LRRTM4: variants seen among roughly 807,000 people sequenced by gnomAD.
The protein encoded by LRRTM4 is leucine rich repeat transmembrane neuronal 4.
LRRTM4 carries 25 observed loss-of-function variants against 47.6 expected under a neutral mutation model. That is an observed-to-expected ratio of 0.53 (90% CI 0.38 to 0.73). The LOEUF is 0.73. LRRTM4 is among the 30% of genes least tolerant of loss of function. The probability of loss-of-function intolerance (pLI) is 0.00; values close to 1 mark genes in which losing one functional copy is unlikely to be tolerated. For synonymous variants in LRRTM4, 311 were observed against 269.5 expected, an observed-to-expected ratio of 1.15 and a Z score of -1.51; for missense variants, 638 against 713.4, an observed-to-expected ratio of 0.89 and a Z score of 1.20.
chr2:76,842,192 G>T (rs1671703815), intron 3 of LRRTM4, among the ~76,000 whole-genome samples: 1 of 152,132 alleles, frequency 6.6e-6, no homozygotes, highest in African/African-American at 2.4e-5. Flanking sequence ...GATTGCTTGG[G>T]CTGGTGGTTT....
intron 3 of LRRTM4, among the ~76,000 whole-genome samples, chr2:77,161,010 ATCC>A (rs1249494196): frequency 2.0e-5 from 3 of 152,276 alleles, no homozygotes; most frequent in Non-Finnish European, 4.4e-5. Context: ...AAGAAAAATG[ATCC>A]TTAGATCATG....
At chr2:77,222,580 T>C (rs1298887007) in intron 3 of LRRTM4, among the ~76,000 whole-genome samples, 2 of 152,138 alleles carry the variant, frequency 1.3e-5, no homozygotes, top group Non-Finnish European at 2.9e-5. Context: ...TCTAAACACC[T>C]CTACAGGAAT....
At chr2:76,905,038 T>G (rs1442003485) in intron 3 of LRRTM4, among the ~76,000 whole-genome samples, 1 of 152,130 alleles carries the variant, frequency 6.6e-6, no homozygotes, top group Non-Finnish European at 1.5e-5. Context: ...ACAGGCAGAC[T>G]GCCTCCTCAA....
At chr2:77,516,986 T>C (rs1679229661) in intron 3 of LRRTM4, 1 of 984,888 alleles carries the variant, frequency 1.0e-6, no homozygotes, top group South Asian at 4.7e-5. Flanking sequence ...TAATTACTCA[T>C]TAAAACTGTC....
chr2:77,110,833 C>T (rs1007744214), intron 3 of LRRTM4, among the ~76,000 whole-genome samples: 2 of 152,006 alleles, frequency 1.3e-5, no homozygotes, highest in Non-Finnish European at 2.9e-5. Context: ...AAAGATATAG[C>T]CTTAAGATAT....
At chr2:77,183,247 A>C (rs1361273516) in intron 3 of LRRTM4, among the ~76,000 whole-genome samples, 2 of 152,160 alleles carry the variant, frequency 1.3e-5, no homozygotes, top group Non-Finnish European at 2.9e-5. Flanking sequence ...ACAAAAAAAC[A>C]ACCCCATCAA....
At chr2:77,169,327 G>A (rs1193905511) in intron 3 of LRRTM4, among the ~76,000 whole-genome samples, 1 of 152,060 alleles carries the variant, frequency 6.6e-6, no homozygotes, top group Admixed American at 6.6e-5. Context: ...AAATCTTAAT[G>A]ACTGAACATT....
chr2:77,293,977 T>C (rs182979223), intron 3 of LRRTM4, among the ~76,000 whole-genome samples: 4 of 152,166 alleles, frequency 2.6e-5, no homozygotes, highest in African/African-American at 4.8e-5. Context: ...TGAAATAAGG[T>C]TTTCTTACTG....
chr2:76,780,120 C>T (rs1325777439), intron 3 of LRRTM4, among the ~76,000 whole-genome samples: 9 of 152,228 alleles, frequency 5.9e-5, no homozygotes, highest in Non-Finnish European at 1.0e-4. Context: ...AGGGTTTCTG[C>T]CGAGAGATCC....
chr2:76,816,819 GTTTTTTTTTTT>G (rs201525166), intron 3 of LRRTM4, among the ~76,000 whole-genome samples: 11 of 96,512 alleles, frequency 1.1e-4, no homozygotes, highest in African/African-American at 1.3e-4. Flanking sequence ...GAGGTAAAGA[GTTTTTTTTTTT>G]TTTTTTTTTT....
intron 3 of LRRTM4, among the ~76,000 whole-genome samples, chr2:76,815,493 A>G (rs1670873062): frequency 6.6e-6 from 1 of 152,262 alleles, no homozygotes; most frequent in African/African-American, 2.4e-5. Context: ...ATATCTATCA[A>G]CTGGAATGAC....
chr2:77,282,826 C>T (rs1218725867), intron 3 of LRRTM4, among the ~76,000 whole-genome samples: 1 of 151,946 alleles, frequency 6.6e-6, no homozygotes, highest in East Asian at 1.9e-4. Flanking sequence ...TATCTTTCAT[C>T]ATATGCAAAC....
chr2:76,791,878 C>G (rs1026720070), intron 3 of LRRTM4, among the ~76,000 whole-genome samples: 2 of 152,026 alleles, frequency 1.3e-5, no homozygotes, highest in African/African-American at 4.8e-5. Context: ...ACTTTCAAAC[C>G]CCAGAGAATT....
chr2:77,144,590 A>T (rs1344875609), intron 3 of LRRTM4, among the ~76,000 whole-genome samples: 1 of 152,182 alleles, frequency 6.6e-6, no homozygotes, highest in East Asian at 1.9e-4. Context: ...CTACTCTGCA[A>T]ATGGAGGCTA....
intron 3 of LRRTM4, among the ~76,000 whole-genome samples, chr2:77,472,332 A>G (rs946233187): frequency 3.9e-5 from 6 of 152,180 alleles, no homozygotes; most frequent in African/African-American, 1.4e-4. Flanking sequence ...TAAAGAAAAT[A>G]TCTCTAAACA....
intron 3 of LRRTM4, among the ~76,000 whole-genome samples, chr2:77,091,712 A>G (rs1400574483): frequency 1.3e-5 from 2 of 149,698 alleles, no homozygotes; most frequent in Non-Finnish European, 1.5e-5. Context: ...CAAGCTCAGC[A>G]AATTACCTAG....
At chr2:76,864,068 A>G (rs1314857191) in intron 3 of LRRTM4, among the ~76,000 whole-genome samples, 1 of 152,224 alleles carries the variant, frequency 6.6e-6, no homozygotes, top group African/African-American at 2.4e-5. Context: ...ATAAATTGGG[A>G]ATATTCCATC....
intron 3 of LRRTM4, among the ~76,000 whole-genome samples, chr2:76,897,118 T>A (rs773373167): frequency 6.6e-5 from 10 of 152,044 alleles, no homozygotes; most frequent in Non-Finnish European, 1.3e-4. Context: ...TCCAATGAGT[T>A]TGAAAGCAAT....
intron 3 of LRRTM4, among the ~76,000 whole-genome samples, chr2:77,268,456 T>A (rs1331237735): frequency 6.6e-6 from 1 of 152,152 alleles, no homozygotes; most frequent in Non-Finnish European, 1.5e-5. Flanking sequence ...AGTCTTTGTA[T>A]CATCACTCTT....
Sources: gnomAD v4.1 joint callset for allele counts (sites outside exome capture counted in the v4.1 genomes callset) on GRCh38, gnomAD v4.1.1 for gene constraint, MANE v1.5 for transcripts, NCBI Gene and HGNC (gene_info 2026-07-23, HGNC 2026-07-21) for gene names.